The following CSMD1 variants were observed in gnomAD, a reference collection of about 807,000 sequenced individuals.
CSMD1 encodes the protein CUB and Sushi multiple domains 1.
Under a neutral mutation model 417.5 loss-of-function variants are expected in CSMD1, and 213 were observed. The observed-to-expected ratio is 0.51, with a 90% CI of 0.46 to 0.57. The LOEUF is 0.57. Among genes scored for constraint, CSMD1 ranks in the 20% least tolerant of loss-of-function variants. The probability of loss-of-function intolerance (pLI) is 0.00; values close to 1 mark genes in which losing one functional copy is unlikely to be tolerated. For missense variants in CSMD1, 6,923 were observed against 4,529.7 expected, an observed-to-expected ratio of 1.53 and a Z score of -15.17; for synonymous variants, 2,862 against 1,736.8, an observed-to-expected ratio of 1.65 and a Z score of -16.11.
At chr8:3,282,318 G>T (rs1221033992) in intron 26 of CSMD1, among the ~76,000 whole-genome samples, 1 of 151,914 alleles carries the variant, frequency 6.6e-6, no homozygotes, top group Non-Finnish European at 1.5e-5. Flanking sequence ...GAGAGCACGT[G>T]GGAACTCTGT....
At chr8:3,690,670 G>A (rs776649440) in intron 7 of CSMD1, among the ~76,000 whole-genome samples, 4 of 152,142 alleles carry the variant, frequency 2.6e-5, no homozygotes, top group Non-Finnish European at 5.9e-5. Flanking sequence ...GGGCTGTGTG[G>A]AGTTGTAGGA....
rs1817511329 is a variant in CSMD1 at position 3,477,689 on chromosome 8, A to G, written c.1449-8865T>C. On this transcript the variant is annotated intron_variant, in intron 11 of 69. Coordinates refer to ENST00000635120, the MANE Select transcript of CSMD1 (RefSeq NM_033225.6). ...GTCAACTCAGTTATTTGATAAGCCA[A>G]ACCAGAAGGAATTTAAGCTCTGGAA... is the stretch of plus-strand genomic sequence containing the variant. 2.0e-5 allele frequency among the ~76,000 whole-genome samples: 3 copies of G among 152,296 alleles called. No individual in the cohort carries two copies. In the South Asian group the frequency reaches 6.2e-4, roughly 32 times the overall value.
chr8:4,559,523 T>C (rs1798236577), intron 2 of CSMD1, among the ~76,000 whole-genome samples: 1 of 152,220 alleles, frequency 6.6e-6, no homozygotes, highest in Non-Finnish European at 1.5e-5. Context: ...GGGTTCATAT[T>C]AAGTTCTTGG....
intron 6 of CSMD1, among the ~76,000 whole-genome samples, chr8:3,726,443 G>A (rs953276864): frequency 2.6e-5 from 4 of 152,162 alleles, no homozygotes; most frequent in Non-Finnish European, 5.9e-5. Context: ...CAAGGACAGG[G>A]GTCAGCAGGT....
At chr8:3,027,327 CT>C (rs920717642) in intron 51 of CSMD1, among the ~76,000 whole-genome samples, 10 of 152,048 alleles carry the variant, frequency 6.6e-5, no homozygotes, top group African/African-American at 1.9e-4. Flanking sequence ...GATACCAGGG[CT>C]TTTTGGAGAA....
chr8:4,012,486 C>G (rs1196005522), intron 4 of CSMD1, among the ~76,000 whole-genome samples: 1 of 152,006 alleles, frequency 6.6e-6, no homozygotes, highest in African/African-American at 2.4e-5. Flanking sequence ...TTGCATAAAT[C>G]TTGTGTTTCG....
chr8:3,317,282 G>C (rs914164398), intron 23 of CSMD1, among the ~76,000 whole-genome samples: 8 of 152,174 alleles, frequency 5.3e-5, no homozygotes, highest in Non-Finnish European at 1.0e-4. Flanking sequence ...ACATGCTTTG[G>C]ATATGTTAGG....
At chr8:4,618,988 G>T (rs1272512777) in intron 2 of CSMD1, among the ~76,000 whole-genome samples, 1 of 152,080 alleles carries the variant, frequency 6.6e-6, no homozygotes, top group Admixed American at 6.6e-5. Context: ...AGTAATACCA[G>T]AAGGAGATTA....
chr8:3,932,138 T>G (rs374245035), intron 5 of CSMD1, among the ~76,000 whole-genome samples: 36 of 150,354 alleles, frequency 2.4e-4, no homozygotes, highest in African/African-American at 8.6e-4. Flanking sequence ...GGCTTATATA[T>G]TGAGGACAGT....
At chr8:4,119,435 T>C (rs1160153706) in intron 3 of CSMD1, among the ~76,000 whole-genome samples, 1 of 152,298 alleles carries the variant, frequency 6.6e-6, no homozygotes, top group East Asian at 1.9e-4. Context: ...ATGATATTGA[T>C]GTGTCATGGA....
At chr8:3,600,886 C>T (rs1045011107) in intron 8 of CSMD1, among the ~76,000 whole-genome samples, 2 of 151,902 alleles carry the variant, frequency 1.3e-5, no homozygotes, top group African/African-American at 2.4e-5. Flanking sequence ...TAAATGATTT[C>T]AATACAATAA....
intron 3 of CSMD1, among the ~76,000 whole-genome samples, chr8:4,312,161 C>A (rs79175261): frequency 4.6e-5 from 7 of 151,770 alleles, no homozygotes; most frequent in Non-Finnish European, 8.8e-5. Context: ...ACGCTTCCTA[C>A]GTGCATTTAG....
intron 5 of CSMD1, among the ~76,000 whole-genome samples, chr8:3,844,731 C>T (rs1021431524): frequency 2.6e-5 from 4 of 152,154 alleles, no homozygotes; most frequent in Non-Finnish European, 5.9e-5. Context: ...AAATACAGAT[C>T]TTCCTTGACA....
intron 3 of CSMD1, among the ~76,000 whole-genome samples, chr8:4,056,254 G>C (rs925468369): frequency 4.0e-5 from 6 of 151,360 alleles, no homozygotes; most frequent in South Asian, 2.1e-4. Context: ...GCTAATTTTT[G>C]TATTTTTTAG....
chr8:4,164,195 T>C (rs937175435), intron 3 of CSMD1, among the ~76,000 whole-genome samples: 11 of 95,056 alleles, frequency 1.2e-4, no homozygotes, highest in Non-Finnish European at 1.8e-4. Context: ...ACAGGATTTT[T>C]GGAAGAAAAA....
intron 1 of CSMD1, among the ~76,000 whole-genome samples, chr8:4,706,000 T>C (rs1346228737): frequency 6.6e-6 from 1 of 151,484 alleles, no homozygotes. Flanking sequence ...ACTGTAATTT[T>C]TTTCAATATT....
intron 5 of CSMD1, among the ~76,000 whole-genome samples, chr8:3,928,079 C>G (rs1329996106): frequency 6.6e-6 from 1 of 151,934 alleles, no homozygotes; most frequent in South Asian, 2.1e-4. Flanking sequence ...TTCAAGGAGG[C>G]CTGAGTTTAT....
intron 3 of CSMD1, among the ~76,000 whole-genome samples, chr8:4,225,599 G>A (rs1161142086): frequency 6.6e-6 from 1 of 151,306 alleles, no homozygotes; most frequent in Non-Finnish European, 1.5e-5. Context: ...TATTTGGGAG[G>A]AAATATGCTG....
chr8:4,178,901 C>T (rs890259403), intron 3 of CSMD1, among the ~76,000 whole-genome samples: 2 of 152,260 alleles, frequency 1.3e-5, no homozygotes, highest in African/African-American at 4.8e-5. Flanking sequence ...AGGAGAACTA[C>T]AAACCACTGC....
Sources: allele counts gnomAD v4.1 joint callset (sites outside exome capture counted in the v4.1 genomes callset), GRCh38; gene constraint gnomAD v4.1.1; transcripts MANE v1.5; gene names NCBI Gene and HGNC (gene_info 2026-07-23, HGNC 2026-07-21).